The following PDE11A variants were observed in gnomAD, a reference collection of about 807,000 sequenced individuals.
The protein encoded by PDE11A is dual 3',5'-cyclic-AMP and -GMP phosphodiesterase 11A.
PDE11A carries 100 observed loss-of-function variants against 100.5 expected under a neutral mutation model. The ratio of observed to expected loss-of-function variants is 1.00; its 90% CI spans 0.85 to 1.18. The LOEUF (loss-of-function observed/expected upper bound fraction) is 1.18, where lower values mean the gene tolerates loss of function less well. PDE11A is among the 50% of genes most tolerant of loss of function. The pLI, the probability that PDE11A is intolerant of heterozygous loss-of-function variation, is 0.00. For missense variants in PDE11A, 1,141 were observed against 1,152.6 expected (o/e 0.99, Z 0.15); for synonymous variants, 381 against 420.8 (o/e 0.91, Z 1.16).
At chr2:177,774,314 T>G (rs911452131) in intron 9 of PDE11A, among the ~76,000 whole-genome samples, 2 of 152,230 alleles carry the variant, frequency 1.3e-5, no homozygotes, top group African/African-American at 4.8e-5. Context: ...ATATCCCATT[T>G]ACTCCTCAAT....
intron 2 of PDE11A, among the ~76,000 whole-genome samples, chr2:178,006,827 G>GA (rs1553499851): frequency 6.8e-6 from 1 of 147,086 alleles, no homozygotes; most frequent in Non-Finnish European, 1.5e-5. Context: ...AAAACAAGGG[G>GA]GGGGGGGGAA....
intron 5 of PDE11A, 63 bp from the exon 6 acceptor site, chr2:177,840,446 C>T (rs867043304): frequency 2.1e-6 from 3 of 1,403,064 alleles, no homozygotes; most frequent in Middle Eastern, 3.7e-4. Context: ...TGAAAGGAAA[C>T]CCTATAAACT....
chr2:177,956,104 C>T (rs1456137211), intron 2 of PDE11A, among the ~76,000 whole-genome samples: 3 of 151,940 alleles, frequency 2.0e-5, no homozygotes, highest in African/African-American at 7.2e-5. Flanking sequence ...AAAGAAACTA[C>T]CATCAGAGTG....
chr2:177,650,235 T>C (rs2105459164), intron 19 of PDE11A, among the ~76,000 whole-genome samples: 1 of 152,316 alleles, frequency 6.6e-6, no homozygotes, highest in South Asian at 2.1e-4. Context: ...TCAATCCCTA[T>C]CAGTCTCATA....
intron 4 of PDE11A, among the ~76,000 whole-genome samples, chr2:177,890,968 CATT>C (rs2084520077): frequency 6.6e-6 from 1 of 152,026 alleles, no homozygotes; most frequent in African/African-American, 2.4e-5. Flanking sequence ...AGTCATATAT[CATT>C]GTTTTAAAAC....
chr2:177,901,680 C>A (rs182572754), intron 3 of PDE11A, among the ~76,000 whole-genome samples: 21 of 152,200 alleles, frequency 1.4e-4, no homozygotes, highest in African/African-American at 4.1e-4. Flanking sequence ...GGTCAATGAA[C>A]AATAATTTCA....
intron 2 of PDE11A, among the ~76,000 whole-genome samples, chr2:178,081,700 T>C (rs2087287297): frequency 6.6e-6 from 1 of 152,372 alleles, no homozygotes; most frequent in African/African-American, 2.4e-5. Flanking sequence ...TTGTTTGTGG[T>C]AGTGACTTCA....
At chr2:178,083,058 A>G (rs2087306630) in intron 2 of PDE11A, among the ~76,000 whole-genome samples, 1 of 152,078 alleles carries the variant, frequency 6.6e-6, no homozygotes, top group African/African-American at 2.4e-5. Context: ...GGGCTAATTG[A>G]AAAATCACTG....
At chr2:177,664,351 A>G (rs946830832) in intron 18 of PDE11A, among the ~76,000 whole-genome samples, 35 of 152,334 alleles carry the variant, frequency 2.3e-4, no homozygotes, top group African/African-American at 7.7e-4. Flanking sequence ...GAATAGGACA[A>G]ATCGGAAAAT....
intron 9 of PDE11A, among the ~76,000 whole-genome samples, chr2:177,803,422 CAA>C (rs371081506): frequency 7.2e-5 from 11 of 151,774 alleles, no homozygotes; most frequent in African/African-American, 2.7e-4. Flanking sequence ...TCAAAAAAAT[CAA>C]AGAGGGAATT....
intron 12 of PDE11A, among the ~76,000 whole-genome samples, chr2:177,717,300 CT>C: frequency 6.6e-6 from 1 of 151,918 alleles, no homozygotes; most frequent in Non-Finnish European, 1.5e-5. Context: ...CCTTTTGCCC[CT>C]CCCCCGCCCT....
intron 5 of PDE11A, among the ~76,000 whole-genome samples, chr2:177,873,073 G>T (rs923413511): frequency 6.6e-6 from 1 of 152,132 alleles, no homozygotes; most frequent in Non-Finnish European, 1.5e-5. Context: ...CAGAAAGTTT[G>T]CCAAGAGCAG....
intron 5 of PDE11A, among the ~76,000 whole-genome samples, chr2:177,861,995 G>A (rs1176859793): frequency 6.6e-6 from 1 of 151,824 alleles, no homozygotes; most frequent in Non-Finnish European, 1.5e-5. Context: ...ATGTATTCAT[G>A]CGCTTAGATT....
At chr2:178,108,201 G>A (rs1042009440) in intron 1 of PDE11A, 2 of 152,166 alleles carry the variant, frequency 1.3e-5, no homozygotes, top group African/African-American at 4.8e-5. Flanking sequence ...TTTTAATATT[G>A]GCATTAAAAA....
At chr2:177,897,994 T>C in intron 4 of PDE11A, 64 bp downstream of exon 4, 4 of 1,323,080 alleles carry the variant, frequency 3.0e-6, no homozygotes, top group Non-Finnish European at 4.4e-6. Flanking sequence ...AGTTTAATTA[T>C]AAATAAACTC....
chr2:177,697,470 A>G (rs1281758876), intron 14 of PDE11A, 38 bp from the exon 15 acceptor site: 2 of 971,288 alleles, frequency 2.1e-6, no homozygotes, highest in African/African-American at 1.6e-5. Flanking sequence ...AAGACATTAA[A>G]TCTGTGGTTG....
At chr2:177,959,904 T>C (rs1482392816) in intron 2 of PDE11A, among the ~76,000 whole-genome samples, 2 of 152,188 alleles carry the variant, frequency 1.3e-5, no homozygotes, top group Non-Finnish European at 2.9e-5. Context: ...TTAATGTTTA[T>C]GATTAGAATA....
intron 1 of PDE11A, among the ~76,000 whole-genome samples, chr2:178,021,629 A>C (rs768034563): frequency 4.6e-5 from 7 of 152,246 alleles, no homozygotes; most frequent in Non-Finnish European, 8.8e-5. Context: ...TAACTAGCCA[A>C]GTAATCACCA....
intron 2 of PDE11A, among the ~76,000 whole-genome samples, chr2:177,966,625 T>A (rs930569941): frequency 1.3e-5 from 2 of 152,214 alleles, no homozygotes; most frequent in African/African-American, 4.8e-5. Flanking sequence ...TGTGGTTTTG[T>A]TTTTAATTCT....
Sources: gnomAD v4.1 joint callset for allele counts (sites outside exome capture counted in the v4.1 genomes callset) on GRCh38, gnomAD v4.1.1 for gene constraint, MANE v1.5 for transcripts, NCBI Gene and HGNC (gene_info 2026-07-23, HGNC 2026-07-21) for gene names.